The following RALYL variants were observed in gnomAD, a reference collection of about 807,000 sequenced individuals.
RALYL encodes RNA-binding Raly-like protein.
RALYL carries 29 observed loss-of-function variants against 35.1 expected under a neutral mutation model. The observed-to-expected ratio is 0.83, with a 90% CI of 0.61 to 1.13. The LOEUF is 1.13. Ranked by LOEUF, RALYL falls within the 50% of genes most tolerant of loss-of-function variation. The probability of loss-of-function intolerance (pLI) is 0.00; values close to 1 mark genes in which losing one functional copy is unlikely to be tolerated. For missense variants in RALYL, 359 were observed against 360.4 expected, an observed-to-expected ratio of 1.00 and a Z score of 0.03; for synonymous variants, 120 against 127.6, an observed-to-expected ratio of 0.94 and a Z score of 0.40.
At chr8:84,831,435 A>C (rs768057209) in intron 4 of RALYL, among the ~76,000 whole-genome samples, 1 of 152,124 alleles carries the variant, frequency 6.6e-6, no homozygotes, top group African/African-American at 2.4e-5. Flanking sequence ...ATGATGTATC[A>C]TGTACCAATC....
chr8:84,595,511 G>A (rs137990422), intron 2 of RALYL, among the ~76,000 whole-genome samples: 1 of 152,238 alleles, frequency 6.6e-6, no homozygotes, highest in East Asian at 1.9e-4. Flanking sequence ...TCTGGCAGCA[G>A]CACTTAAAGC....
At chr8:84,746,136 A>G (rs999357326) in intron 2 of RALYL, among the ~76,000 whole-genome samples, 5 of 152,060 alleles carry the variant, frequency 3.3e-5, no homozygotes, top group African/African-American at 1.2e-4. Flanking sequence ...TCCTGCAATA[A>G]CAATTTGAAT....
intron 1 of RALYL, among the ~76,000 whole-genome samples, chr8:84,472,078 T>A (rs183532394): frequency 1.4e-3 from 215 of 152,306 alleles, no homozygotes; most frequent in Non-Finnish European, 2.2e-3. Flanking sequence ...TATCGTTTAA[T>A]CTAAACATTC....
In RALYL at chr8:84,322,699, G is replaced by GT. The variant is rs1397188688; in HGVS notation, c.-24+138276dup. Among the ~76,000 whole-genome samples the GT allele has an allele frequency of 2.6e-5, 4 of 152,194 alleles. No homozygotes were observed. In the East Asian group the frequency reaches 5.8e-4, roughly 22 times the overall value. ...AAATCTAAAACTGATTCATTCATGA[G>GT]TAAGAGTTTTAGAGAGTGACCAGTG... On this transcript the variant is annotated intron_variant, in intron 1 of 8. Transcript: ENST00000521268.
intron 1 of RALYL, among the ~76,000 whole-genome samples, chr8:84,500,962 A>G (rs2056588084): frequency 6.6e-6 from 1 of 152,188 alleles, no homozygotes; most frequent in South Asian, 2.1e-4. Context: ...ATATAAAACA[A>G]TAATCTTCAA....
At chr8:84,827,396 TA>T (rs1388330023) in intron 4 of RALYL, among the ~76,000 whole-genome samples, 3 of 152,086 alleles carry the variant, frequency 2.0e-5, no homozygotes, top group East Asian at 3.9e-4. Flanking sequence ...AATAGAGGAA[TA>T]AAAGCCACAT....
In RALYL at chr8:84,701,148, T is replaced by G. The variant is rs931497358; in HGVS notation, c.257-73431T>G. On this transcript the variant is annotated intron_variant, in intron 2 of 8. Transcript: ENST00000521268. ...GAGAAAGGTTAACTGTGAGTAACTT[T>G]ACATCTAAACCTGATAAACATTTTC... Among the ~76,000 whole-genome samples the G allele has an allele frequency of 4.6e-5, 7 of 152,282 alleles. No homozygotes were observed. The South Asian group carries it at 1.5e-3, about 32-fold the overall frequency.
At chr8:84,617,190 C>T (rs1377180826) in intron 2 of RALYL, among the ~76,000 whole-genome samples, 1 of 151,042 alleles carries the variant, frequency 6.6e-6, no homozygotes, top group Non-Finnish European at 1.5e-5. Context: ...GGCAGTATGG[C>T]CATTTTCACG....
chr8:84,824,069 C>G (rs1393810643), intron 4 of RALYL, among the ~76,000 whole-genome samples: 1 of 152,086 alleles, frequency 6.6e-6, no homozygotes, highest in Non-Finnish European at 1.5e-5. Flanking sequence ...TAAACTATCT[C>G]TCTTCACAGA....
chr8:84,735,125 C>T (rs1847005652), intron 2 of RALYL, among the ~76,000 whole-genome samples: 1 of 150,930 alleles, frequency 6.6e-6, no homozygotes, highest in Non-Finnish European at 1.5e-5. Context: ...ATGGACTGTT[C>T]GTTACCAACT....
chr8:84,618,049 A>G (rs1230554817), intron 2 of RALYL, among the ~76,000 whole-genome samples: 2 of 151,762 alleles, frequency 1.3e-5, no homozygotes, highest in East Asian at 3.9e-4. Context: ...TTGGTCTAAA[A>G]TTCTCTTTTT....
rs147745944 is a variant in RALYL at position 84,693,625 on chromosome 8, C to T, written c.257-80954C>T. 3.9e-3 allele frequency among the ~76,000 whole-genome samples: 599 copies of T among 151,968 alleles called. 5 individuals are homozygous for T. Among genetic ancestry groups the T allele is most frequent in the African/African-American group, 0.013 (551 of 41,498 alleles). ...TTTTAGACGCATTTTATGAGGCCAG[C>T]ATTACTCTGATACCAAAGCCTGACA... On this transcript the variant is annotated intron_variant, in intron 2 of 8. Coordinates refer to ENST00000521268, the MANE Select transcript of RALYL (RefSeq NM_173848.7).
chr8:84,611,455 A>G (rs374887428), intron 2 of RALYL, among the ~76,000 whole-genome samples: 63 of 152,100 alleles, frequency 4.1e-4, no homozygotes, highest in African/African-American at 1.5e-3. Context: ...CACTCTATTC[A>G]CAGCTCTGAT....
intron 1 of RALYL, among the ~76,000 whole-genome samples, chr8:84,374,383 C>T (rs1377728752): frequency 6.6e-6 from 1 of 151,876 alleles, no homozygotes; most frequent in Non-Finnish European, 1.5e-5. Flanking sequence ...TATGTTCCAT[C>T]AATAACTATT....
At chr8:84,883,429 A>T (rs1003021509) in intron 7 of RALYL, among the ~76,000 whole-genome samples, 43 of 152,214 alleles carry the variant, frequency 2.8e-4, no homozygotes, top group African/African-American at 1.0e-3. Flanking sequence ...TCACAGTTCC[A>T]TGTGGCTGGG....
intron 2 of RALYL, among the ~76,000 whole-genome samples, chr8:84,564,968 ATCAAGGCTTTATAT>A (rs1417004200): frequency 3.9e-4 from 59 of 151,816 alleles, no homozygotes; most frequent in African/African-American, 1.3e-3. Flanking sequence ...CTGAATGTAA[ATCAAGGCTTTATAT>A]TTATCAAAGC....
chr8:84,309,062 A>T (rs1483413321), intron 1 of RALYL, among the ~76,000 whole-genome samples: 1 of 151,632 alleles, frequency 6.6e-6, no homozygotes, highest in Non-Finnish European at 1.5e-5. Flanking sequence ...TTTGCATGCA[A>T]GCAATATATC....
At chr8:84,406,061 TAAAA>T (rs60532162) in intron 1 of RALYL, among the ~76,000 whole-genome samples, 1 of 127,294 alleles carries the variant, frequency 7.9e-6, no homozygotes, top group Non-Finnish European at 1.7e-5. Flanking sequence ...ATACCTAAAG[TAAAA>T]AAAAAAAAAA....
chr8:84,883,482 A>G (rs1563805265), intron 7 of RALYL, among the ~76,000 whole-genome samples: 1 of 152,048 alleles, frequency 6.6e-6, no homozygotes, highest in Non-Finnish European at 1.5e-5. Context: ...CACATCTTAT[A>G]TGGCAGCAGG....
Sources: gnomAD v4.1 joint callset for allele counts (sites outside exome capture counted in the v4.1 genomes callset) on GRCh38, gnomAD v4.1.1 for gene constraint, MANE v1.5 for transcripts, NCBI Gene and HGNC (gene_info 2026-07-23, HGNC 2026-07-21) for gene names.